The following KDM4C variants were observed in gnomAD, a reference collection of about 807,000 sequenced individuals.
The protein encoded by KDM4C is lysine demethylase 4C.
A neutral mutation model predicts 129.3 loss-of-function variants in KDM4C; 81 were observed. That is an observed-to-expected ratio of 0.63 (90% confidence interval 0.52 to 0.75). KDM4C has a LOEUF of 0.75. Ranked by LOEUF, KDM4C falls within the 30% of genes least tolerant of loss-of-function variation. KDM4C has a pLI of 0.00. For synonymous variants in KDM4C, 573 were observed against 456.1 expected (o/e 1.26, Z -3.26); for missense variants, 1,457 against 1,304.0 (o/e 1.12, Z -1.81).
At chr9:6,855,846 C>G (rs1839711922) in intron 5 of KDM4C, among the ~76,000 whole-genome samples, 1 of 152,190 alleles carries the variant, frequency 6.6e-6, no homozygotes, top group Non-Finnish European at 1.5e-5. Flanking sequence ...AATGTGAGCT[C>G]TGGGAGTTGG....
At chr9:7,030,073 T>A (rs953014668) in intron 15 of KDM4C, among the ~76,000 whole-genome samples, 2 of 152,202 alleles carry the variant, frequency 1.3e-5, no homozygotes, top group African/African-American at 4.8e-5. Context: ...AAAAGTAATA[T>A]AATGAGAAGA....
intron 17 of KDM4C, among the ~76,000 whole-genome samples, chr9:7,062,741 G>A (rs1280218276): frequency 2.0e-5 from 3 of 151,990 alleles, no homozygotes; most frequent in Non-Finnish European, 4.4e-5. Context: ...ACTGTTTTAA[G>A]GGAATCTGTG....
At position 6,981,015 on chromosome 9, in the gene KDM4C, A is replaced by G; in HGVS notation, c.1012A>G (p.Lys338Glu). ...CAGATATCAGCTTTGGAAACAAGGAAAGGATATATACACCATTGATCACAC... is the reference window on the plus strand; with the variant it reads ...CAGATATCAGCTTTGGAAACAAGGAGAGGATATATACACCATTGATCACAC... ...PDRYQLWKQG[K>E]DIYTIDHTKP... Residue 338 changes from lysine to glutamate, a missense_variant, in exon 9 of 22, where the codon AAG (lysine) becomes GAG (glutamate). Coordinates refer to ENST00000381309, the MANE Select transcript of KDM4C (RefSeq NM_015061.6). 6.2e-7 allele frequency: 1 copy of G among 1,613,940 alleles called. No homozygotes were observed. The highest frequency in any genetic ancestry group is 1.1e-5 in the South Asian group (1 of 91,068).
At chr9:6,985,522 A>G (rs368328305) in intron 10 of KDM4C, among the ~76,000 whole-genome samples, 2 of 152,232 alleles carry the variant, frequency 1.3e-5, no homozygotes, top group Admixed American at 6.5e-5. Context: ...CTTCAAACAC[A>G]CAAGAGCTGG....
chr9:6,953,604 T>A (rs1828558843), intron 8 of KDM4C, among the ~76,000 whole-genome samples: 3 of 152,210 alleles, frequency 2.0e-5, no homozygotes, highest in African/African-American at 7.2e-5. Flanking sequence ...ATATTTTGTT[T>A]CAAATAAAAG....
At chr9:7,159,221 G>A (rs569985183) in intron 19 of KDM4C, among the ~76,000 whole-genome samples, 3 of 152,240 alleles carry the variant, frequency 2.0e-5, no homozygotes, top group South Asian at 2.1e-4. Context: ...GTACCTGTGT[G>A]TGTCTCTGCA....
Position 6,758,090 on chromosome 9 carries a change from T to A in KDM4C, c.-131T>A. The A allele has an allele frequency of 3.0e-6, 3 of 985,578 alleles. No individual in the cohort carries two copies. Among genetic ancestry groups the A allele is most frequent in the Non-Finnish European group, 3.6e-6 (3 of 830,066 alleles). 61.1% of individuals were successfully genotyped at this position (985,578 alleles called of 1,614,324 possible). ...CCTGTGCGCGTGCGCAGCGAACAGC[T>A]GTCACCTAGTGCGGAACAAGTCTCC... is the stretch of plus-strand genomic sequence containing the variant. On this transcript the variant is annotated 5_prime_UTR_variant, in exon 1 of 22. Transcript: ENST00000381309. The surrounding 1 kb of genome is among the most constrained non-coding windows in gnomAD (Gnocchi z 4.6).
chr9:6,757,650 G>C (rs1441768004), upstream of KDM4C: 1 of 985,406 alleles, frequency 1.0e-6, no homozygotes, highest in Non-Finnish European at 1.2e-6. Context: ...CGCCATAGGT[G>C]CGCGTCGGCG....
intron 1 of KDM4C, among the ~76,000 whole-genome samples, chr9:6,765,606 G>A (rs891048730): frequency 2.6e-5 from 4 of 152,058 alleles, no homozygotes; most frequent in African/African-American, 9.7e-5. Flanking sequence ...TAGTATAGGT[G>A]CTCAACGAAC....
At chr9:6,780,942 A>G (rs941365534) in intron 1 of KDM4C, among the ~76,000 whole-genome samples, 11 of 151,940 alleles carry the variant, frequency 7.2e-5, no homozygotes, top group African/African-American at 2.4e-4. Flanking sequence ...TGGTCCCTTC[A>G]TCTTTCTTGG....
At chr9:7,006,421 A>G (rs1821683412) in intron 12 of KDM4C, among the ~76,000 whole-genome samples, 1 of 152,182 alleles carries the variant, frequency 6.6e-6, no homozygotes, top group African/African-American at 2.4e-5. Context: ...ATGATCAATG[A>G]CAAGACAGAA....
At chr9:6,863,535 G>A (rs987125707) in intron 5 of KDM4C, among the ~76,000 whole-genome samples, 30 of 151,964 alleles carry the variant, frequency 2.0e-4, no homozygotes, top group Admixed American at 2.0e-3. Flanking sequence ...CATGGCTCAC[G>A]GCTGTAATCC....
intron 17 of KDM4C, among the ~76,000 whole-genome samples, chr9:7,059,935 A>G (rs183344473): frequency 1.2e-4 from 18 of 152,146 alleles, no homozygotes; most frequent in African/African-American, 3.9e-4. Context: ...TAAAACCCAC[A>G]TAAATAGAAG....
intron 5 of KDM4C, among the ~76,000 whole-genome samples, chr9:6,850,469 G>A (rs868334975): frequency 3.3e-5 from 5 of 151,738 alleles, no homozygotes; most frequent in Middle Eastern, 3.4e-3. Flanking sequence ...TTTTTGAGAT[G>A]AAGTCTTGCT....
intron 20 of KDM4C, among the ~76,000 whole-genome samples, chr9:7,167,064 T>C (rs2130449072): frequency 6.6e-6 from 1 of 152,306 alleles, no homozygotes. Flanking sequence ...GGCATATGCG[T>C]TTTTTGACCC....
intron 17 of KDM4C, among the ~76,000 whole-genome samples, chr9:7,089,872 G>A (rs1024885732): frequency 1.3e-5 from 2 of 152,224 alleles, no homozygotes; most frequent in Non-Finnish European, 2.9e-5. Flanking sequence ...AGAGTCATGA[G>A]AGGTCAGAGT....
chr9:7,000,609 G>T lies in KDM4C; in HGVS notation c.1786+10085G>T, dbSNP rs1247831156. Among the ~76,000 whole-genome samples the T allele has an allele frequency of 2.6e-5, 4 of 152,218 alleles. No homozygotes were observed. In the East Asian group the frequency reaches 7.7e-4, roughly 29 times the overall value. The stretch of plus-strand genomic sequence containing the variant: ...GTTTCATGGTGCATTCAATTCTTTA[G>T]AAAAATAATGATTGTATTAGGTTAT... On this transcript the variant is annotated intron_variant, in intron 12 of 21. Transcript: ENST00000381309.
upstream of KDM4C, among the ~76,000 whole-genome samples, chr9:6,755,110 G>A (rs970610344): frequency 1.3e-5 from 2 of 152,054 alleles, no homozygotes; most frequent in Admixed American, 6.6e-5. Flanking sequence ...GGTGGCTCAC[G>A]CTTGTAATCC....
rs780638780 is a variant in KDM4C at position 6,984,374 on chromosome 9, C to G, written c.1324C>G (p.Gln442Glu). ...ATCTGCTAGCAGGATGCAGGTGGAGCAGAATTTATCAGATCATATCAAACT... is the reference window on the plus strand; with the variant it reads ...ATCTGCTAGCAGGATGCAGGTGGAGGAGAATTTATCAGATCATATCAAACT... ...ESSASRMQVE[Q>E]NLSDHIKLSG... The change falls in exon 10 of 22, where the codon CAG becomes GAG. Residue 442 changes from glutamine (Q) to glutamate (E), a missense_variant. By Grantham distance (29) the Gln-to-Glu change is conservative. Transcript: ENST00000381309. 1.9e-6 allele frequency: 3 copies of G among 1,612,640 alleles called. No homozygotes were observed. Among genetic ancestry groups the G allele is most frequent in the Non-Finnish European group, 2.5e-6 (3 of 1,178,774 alleles).
Sources: gnomAD v4.1 joint callset for allele counts (sites outside exome capture counted in the v4.1 genomes callset) on GRCh38, gnomAD v4.1.1 for gene constraint, Gnocchi (gnomAD v3.1) non-coding constraint, MANE v1.5 for transcripts, NCBI Gene and HGNC (gene_info 2026-07-23, HGNC 2026-07-21) for gene names.